The following CNTN5 variants were observed in gnomAD, a reference collection of about 807,000 sequenced individuals.
CNTN5 encodes contactin-5.
Under a neutral mutation model 129.1 loss-of-function variants are expected in CNTN5, and 77 were observed. The ratio of observed to expected loss-of-function variants is 0.60; its 90% CI spans 0.50 to 0.72. The LOEUF is 0.72. CNTN5 is among the 30% of genes least tolerant of loss of function. The probability of loss-of-function intolerance (pLI) is 0.00; values close to 1 mark genes in which losing one functional copy is unlikely to be tolerated. For synonymous variants in CNTN5, 509 were observed against 465.6 expected, an observed-to-expected ratio of 1.09 and a Z score of -1.20; for missense variants, 1,478 against 1,328.8, an observed-to-expected ratio of 1.11 and a Z score of -1.75.
chr11:99,982,400 G>T (rs1337202070), intron 8 of CNTN5, among the ~76,000 whole-genome samples: 2 of 152,106 alleles, frequency 1.3e-5, no homozygotes, highest in Non-Finnish European at 2.9e-5. Flanking sequence ...GAATGGATTG[G>T]GGTAAAAAGA....
In CNTN5 at chr11:100,193,766, A is replaced by G; in HGVS notation, c.1884+103A>G. On this transcript the variant is annotated intron_variant, in intron 15 of 24. Coordinates refer to ENST00000524871, the MANE Select transcript of CNTN5 (RefSeq NM_014361.4). ...ATGAAGTGCTAAGAAAAAAAAAAAC[A>G]GAACATCGACTTGATAAAAACAATT... The G allele has an allele frequency of 7.1e-6, 6 of 851,000 alleles. No individual in the cohort carries two copies. In the South Asian group the frequency reaches 1.1e-4, roughly 15 times the overall value. The allele number at this position is 851,000 out of a possible 1,614,324, so 52.7% of individuals were successfully genotyped here. A position where few individuals can be genotyped will look rare whatever the true frequency, so the allele number is the denominator to read the frequency against.
intron 7 of CNTN5, among the ~76,000 whole-genome samples, chr11:99,923,269 G>T (rs1949980050): frequency 6.6e-6 from 1 of 151,980 alleles, no homozygotes; most frequent in Admixed American, 6.6e-5. Context: ...TCATCTATAA[G>T]ACAATAAATA....
At chr11:99,040,171 G>A (rs895621527) in intron 1 of CNTN5, among the ~76,000 whole-genome samples, 1 of 152,022 alleles carries the variant, frequency 6.6e-6, no homozygotes, top group Non-Finnish European at 1.5e-5. Context: ...GGAAAAACAT[G>A]ATAATCTATG....
chr11:99,654,356 C>T (rs921864980), intron 3 of CNTN5, among the ~76,000 whole-genome samples: 21 of 151,982 alleles, frequency 1.4e-4, no homozygotes, highest in Admixed American at 1.4e-3. Flanking sequence ...AGGGGTGTAT[C>T]AGCTTCTTAA....
intron 3 of CNTN5, among the ~76,000 whole-genome samples, chr11:99,583,646 G>C (rs973566719): frequency 5.9e-5 from 9 of 152,210 alleles, no homozygotes; most frequent in Middle Eastern, 3.2e-3. Context: ...ATAATCTCCT[G>C]GTGTGCCGTT....
At chr11:100,269,087 G>A (rs889946201) in intron 17 of CNTN5, among the ~76,000 whole-genome samples, 14 of 152,166 alleles carry the variant, frequency 9.2e-5, no homozygotes, top group African/African-American at 1.7e-4. Flanking sequence ...AAGACAAAAC[G>A]AAATCAGCAA....
chr11:99,573,788 G>A (rs7107904), intron 3 of CNTN5, among the ~76,000 whole-genome samples: 7,870 of 151,706 alleles, frequency 0.052, 634 homozygotes, highest in African/African-American at 0.18. Context: ...GGCCATGCAT[G>A]CATTTTGGAG....
intron 13 of CNTN5, among the ~76,000 whole-genome samples, chr11:100,090,523 C>T (rs1591221084): frequency 1.1e-5 from 1 of 91,220 alleles, no homozygotes; most frequent in Non-Finnish European, 2.2e-5. Flanking sequence ...CCCTCCCTCC[C>T]TCCCTTCCTT....
rs758676568 is a variant in CNTN5 at position 99,956,960 on chromosome 11, G to A, written c.828G>A (p.Thr276=). 3.1e-6 allele frequency: 5 copies of A among 1,613,718 alleles called. No homozygotes were observed. In the Admixed American group the frequency reaches 5.0e-5, roughly 16 times the overall value. The change falls in exon 8 of 25, where the codon ACG becomes ACA. Residue 276 remains threonine, a synonymous_variant. Coordinates refer to ENST00000524871, the MANE Select transcript of CNTN5 (RefSeq NM_014361.4). ...SYICLVKNTV[T]NARVLSPPTP... is the part of the protein sequence containing the mutation. ...TTTGTCTGGTGAAAAACACAGTGACGAATGCTAGAGTCCTTAGTCCTCCAA... is the reference window on the plus strand; with the variant it reads ...TTTGTCTGGTGAAAAACACAGTGACAAATGCTAGAGTCCTTAGTCCTCCAA...
intron 3 of CNTN5, among the ~76,000 whole-genome samples, chr11:99,717,456 A>T (rs531941528): frequency 6.6e-6 from 1 of 152,204 alleles, no homozygotes; most frequent in Admixed American, 6.6e-5. Flanking sequence ...TTCTATCAGT[A>T]ATATAAAAAA....
At chr11:100,273,480 A>G (rs1380697158) in intron 18 of CNTN5, among the ~76,000 whole-genome samples, 1 of 152,062 alleles carries the variant, frequency 6.6e-6, no homozygotes, top group Non-Finnish European at 1.5e-5. Flanking sequence ...CTGTCCCAAC[A>G]AGTACCCCAC....
Position 99,272,364 on chromosome 11 carries a change from C to T in CNTN5, c.-209-52982C>T, listed in dbSNP as rs189489958. 1.9e-4 allele frequency among the ~76,000 whole-genome samples: 29 copies of T among 151,052 alleles called. No homozygotes were observed. The East Asian group carries it at 5.1e-3, about 27-fold the overall frequency. ...CAACATAGAGTTTTGCTGTTAAGAG[C>T]TTATAGAAAGATAACAAATGCAAAC... is the stretch of plus-strand genomic sequence containing the variant. On this transcript the variant is annotated intron_variant, in intron 1 of 24. Transcript: ENST00000524871.
intron 3 of CNTN5, among the ~76,000 whole-genome samples, chr11:99,751,405 G>A (rs1417946317): frequency 6.6e-6 from 1 of 152,022 alleles, no homozygotes; most frequent in Non-Finnish European, 1.5e-5. Context: ...CAGTTTGACT[G>A]AACAACTTAG....
At chr11:99,712,859 C>T (rs1233014484) in intron 3 of CNTN5, among the ~76,000 whole-genome samples, 2 of 151,942 alleles carry the variant, frequency 1.3e-5, no homozygotes, top group African/African-American at 4.8e-5. Flanking sequence ...GGTACTAGTA[C>T]CGTGCTGTTT....
At chr11:99,739,580 A>G (rs1380696622) in intron 3 of CNTN5, among the ~76,000 whole-genome samples, 1 of 152,124 alleles carries the variant, frequency 6.6e-6, no homozygotes, top group Admixed American at 6.6e-5. Context: ...CTGAACATGT[A>G]TCTTATTACT....
chr11:99,774,329 C>T (rs1439494756), intron 3 of CNTN5, among the ~76,000 whole-genome samples: 20 of 151,044 alleles, frequency 1.3e-4, no homozygotes, highest in Non-Finnish European at 1.5e-5. Flanking sequence ...TAGAAAACTT[C>T]AGGTTTTTTT....
At chr11:99,745,819 T>C (rs1176673037) in intron 3 of CNTN5, among the ~76,000 whole-genome samples, 1 of 152,110 alleles carries the variant, frequency 6.6e-6, no homozygotes, top group Non-Finnish European at 1.5e-5. Context: ...AGATGGGCAC[T>C]GATTCTAAGG....
intron 1 of CNTN5, among the ~76,000 whole-genome samples, chr11:99,218,336 C>T (rs1860232879): frequency 6.6e-6 from 1 of 152,030 alleles, no homozygotes; most frequent in African/African-American, 2.4e-5. Flanking sequence ...GTTCCAGGAC[C>T]TCTTATTTTC....
At chr11:100,260,376 G>A (rs1211627452) in intron 17 of CNTN5, among the ~76,000 whole-genome samples, 2 of 152,178 alleles carry the variant, frequency 1.3e-5, no homozygotes, top group East Asian at 1.9e-4. Flanking sequence ...ACAAAGAGGA[G>A]ATGGTACCAT....
Sources: gnomAD v4.1 joint callset for allele counts (sites outside exome capture counted in the v4.1 genomes callset) on GRCh38, gnomAD v4.1.1 for gene constraint, MANE v1.5 for transcripts, NCBI Gene and HGNC (gene_info 2026-07-23, HGNC 2026-07-21) for gene names.